PCDHGA2: variants seen among roughly 807,000 people sequenced by gnomAD.
PCDHGA2 encodes the protein protocadherin gamma-A2.
PCDHGA2 carries 40 observed loss-of-function variants against 59.2 expected under a neutral mutation model. The ratio of observed to expected loss-of-function variants is 0.68; its 90% CI spans 0.52 to 0.88. The LOEUF is 0.88. Among genes scored for constraint, PCDHGA2 ranks in the 40% least tolerant of loss-of-function variants. The pLI is 0.00. For synonymous variants in PCDHGA2, 560 were observed against 526.0 expected, an observed-to-expected ratio of 1.06 and a Z score of -0.89; for missense variants, 1,226 against 1,204.0, an observed-to-expected ratio of 1.02 and a Z score of -0.27.
chr5:141,415,740 G>GTTTTTTTTTTTTTTTTTTTTTTT (rs57426385), intron 1 of PCDHGA2: 14 of 625,046 alleles, frequency 2.2e-5, no homozygotes, highest in East Asian at 1.4e-4. Flanking sequence ...GTTTATTAAG[G>GTTTTTTTTTTTTTTTTTTTTTTT]TTTTTTTTTT....
chr5:141,371,219 C>T, intron 1 of PCDHGA2: 13 of 1,613,954 alleles, frequency 8.1e-6, no homozygotes, highest in Middle Eastern at 1.6e-4. Flanking sequence ...GCATCAATGC[C>T]GAAATCATCT....
intron 1 of PCDHGA2, among the ~76,000 whole-genome samples, chr5:141,401,116 G>A (rs763920346): frequency 1.3e-5 from 2 of 152,036 alleles, no homozygotes; most frequent in African/African-American, 2.4e-5. Flanking sequence ...GGCCGAGGCG[G>A]TTGGATCACA....
At position 141,490,982 on chromosome 5, in the gene PCDHGA2, G is replaced by T; in HGVS notation, c.2425-3825G>T. ...CACTCAGCCCCCCAGCGTCTCCCTC[G>T]CTCTGCTCCTCCTGGCTCCTTGGTC... On this transcript the variant is annotated intron_variant, in intron 1 of 3. Coordinates refer to ENST00000394576, the MANE Select transcript of PCDHGA2 (RefSeq NM_018915.4). This position sits in a 1 kb window ranked among gnomAD's most constrained non-coding sequence, Gnocchi z 5.4. 1.2e-6 allele frequency: 2 copies of T among 1,613,994 alleles called. No individual in the cohort carries two copies. The highest frequency in any genetic ancestry group is 1.7e-6 in the Non-Finnish European group (2 of 1,180,002).
At chr5:141,398,611 A>G (rs2093677658) in intron 1 of PCDHGA2, 4 of 1,613,944 alleles carry the variant, frequency 2.5e-6, no homozygotes, top group African/African-American at 1.3e-5. Context: ...AGATGCAGAT[A>G]TTGGCTTAAA....
intron 1 of PCDHGA2, chr5:141,395,873 G>A (rs1430280971): frequency 6.6e-6 from 1 of 152,046 alleles, no homozygotes; most frequent in Non-Finnish European, 1.5e-5. Flanking sequence ...TTAAGTATGT[G>A]AGTCAGTGGT....
intron 1 of PCDHGA2, chr5:141,364,690 A>G (rs754705935): frequency 2.5e-6 from 4 of 1,613,978 alleles, no homozygotes; most frequent in Non-Finnish European, 3.4e-6. Flanking sequence ...ATGGAGTAGA[A>G]GTAGAAATAA....
At chr5:141,364,793 C>G in intron 1 of PCDHGA2, 2 of 1,614,028 alleles carry the variant, frequency 1.2e-6, no homozygotes, top group Non-Finnish European at 1.7e-6. Flanking sequence ...GTTAGTGCTT[C>G]CCTTCGCGCG....
intron 1 of PCDHGA2, chr5:141,415,325 C>G: frequency 6.2e-7 from 1 of 1,614,212 alleles, no homozygotes; most frequent in Non-Finnish European, 8.5e-7. Flanking sequence ...GTGCTGCTGG[C>G]GCACAGGCTG....
chr5:141,351,243 A>G (rs377475753), intron 1 of PCDHGA2: 3 of 1,613,916 alleles, frequency 1.9e-6, no homozygotes, highest in African/African-American at 2.7e-5. Context: ...GCTCACTGTA[A>G]TGTTCAAATA....
At chr5:141,412,145 C>T (rs1335929166) in intron 1 of PCDHGA2, 1 of 152,210 alleles carries the variant, frequency 6.6e-6, no homozygotes, top group East Asian at 1.9e-4. Context: ...CTGATACAAA[C>T]TGCCTAAGAG....
In PCDHGA2 at chr5:141,432,513, G is replaced by T. The variant is rs755227021; in HGVS notation, c.2425-62294G>T. On this transcript the variant is annotated intron_variant, in intron 1 of 3. Coordinates refer to ENST00000394576, the MANE Select transcript of PCDHGA2 (RefSeq NM_018915.4). The surrounding 1 kb of genome is among the most constrained non-coding windows in gnomAD (Gnocchi z 6.0). ...CTGGCTCCCCGCTCCGCAGAGCCCG[G>T]CTACCTGGTGACCAAGGTGGTGGCG... The T allele has an allele frequency of 3.1e-6, 5 of 1,614,102 alleles. No individual in the cohort carries two copies. Among genetic ancestry groups the T allele is most frequent in the African/African-American group, 2.7e-5 (2 of 75,062 alleles).
intron 1 of PCDHGA2, chr5:141,372,960 G>T (rs1769206598): frequency 1.4e-6 from 1 of 709,456 alleles, no homozygotes; most frequent in Non-Finnish European, 2.2e-6. Context: ...ATTCTTTGTA[G>T]AATTTCCTGT....
intron 1 of PCDHGA2, chr5:141,419,427 A>C: frequency 1.2e-6 from 2 of 1,613,290 alleles, no homozygotes; most frequent in Non-Finnish European, 1.7e-6. Context: ...TTCGACCACG[A>C]GCAGCTGCGC....
chr5:141,433,837 C>CAA (rs56191208), intron 1 of PCDHGA2, among the ~76,000 whole-genome samples: 9,379 of 111,452 alleles, frequency 0.084, 424 homozygotes, highest in African/African-American at 0.14. Flanking sequence ...AACTCTATCT[C>CAA]AAAAAAAAAA....
Position 141,361,616 on chromosome 5 carries a change from G to A in PCDHGA2, c.2424+20221G>A, listed in dbSNP as rs1031903185. On this transcript the variant is annotated intron_variant, in intron 1 of 3. Coordinates refer to ENST00000394576, the MANE Select transcript of PCDHGA2 (RefSeq NM_018915.4). ...CAAGTTTCCTACTCCATCGTAGCGA[G>A]CGACCTGAAGCCGCGGGAGATTTTA... The A allele has an allele frequency of 1.4e-5, 22 of 1,613,858 alleles. No homozygotes were observed. The highest frequency in any genetic ancestry group is 1.7e-5 in the Non-Finnish European group (20 of 1,179,908).
intron 1 of PCDHGA2, among the ~76,000 whole-genome samples, chr5:141,460,807 A>G (rs2098998307): frequency 6.6e-6 from 1 of 151,962 alleles, no homozygotes; most frequent in Non-Finnish European, 1.5e-5. Context: ...ATATATATGT[A>G]TGTATACATA....
In PCDHGA2 at chr5:141,346,532, T is replaced by C. The variant is rs543628254; in HGVS notation, c.2424+5137T>C. 1.4e-5 allele frequency: 22 copies of C among 1,569,878 alleles called. No homozygotes were observed. The East Asian group carries it at 4.8e-4, about 34-fold the overall frequency. Reference sequence around the variant, plus strand: ...TTATTATAAAGCTTTAACACATATGTATTTGAGAAATAAAGCCATGAGGTT... The same window carrying C: ...TTATTATAAAGCTTTAACACATATGCATTTGAGAAATAAAGCCATGAGGTT... On this transcript the variant is annotated intron_variant, in intron 1 of 3. Coordinates refer to ENST00000394576, the MANE Select transcript of PCDHGA2 (RefSeq NM_018915.4).
intron 1 of PCDHGA2, chr5:141,390,026 A>G (rs1442754847): frequency 1.2e-6 from 2 of 1,613,826 alleles, no homozygotes; most frequent in Admixed American, 1.7e-5. Flanking sequence ...TGCGCCTGCG[A>G]CGCTCCTCCA....
intron 1 of PCDHGA2, chr5:141,371,115 G>C (rs757942462): frequency 1.3e-5 from 21 of 1,613,902 alleles, no homozygotes; most frequent in Non-Finnish European, 1.8e-5. Flanking sequence ...TAACCCCCCA[G>C]TATTTACTCA....
Sources: allele counts gnomAD v4.1 joint callset (sites outside exome capture counted in the v4.1 genomes callset), GRCh38; gene constraint gnomAD v4.1.1; non-coding constraint Gnocchi (gnomAD v3.1); transcripts MANE v1.5; gene names NCBI Gene and HGNC (gene_info 2026-07-23, HGNC 2026-07-21).